B9D1: variants seen among roughly 807,000 people sequenced by gnomAD.
The protein encoded by B9D1 is B9 domain-containing protein 1.
Under a neutral mutation model 26.1 loss-of-function variants are expected in B9D1, and 20 were observed. The observed-to-expected ratio is 0.77, with a 90% CI of 0.54 to 1.12. B9D1 has a LOEUF of 1.12. Ranked by LOEUF, B9D1 falls within the 50% of genes most tolerant of loss-of-function variation. B9D1 has a pLI of 0.00. For missense variants in B9D1, 260 were observed against 273.7 expected, an observed-to-expected ratio of 0.95 and a Z score of 0.35; for synonymous variants, 105 against 103.1, an observed-to-expected ratio of 1.02 and a Z score of -0.11.
intron 2 of B9D1, among the ~76,000 whole-genome samples, chr17:19,358,679 T>C (rs1910663370): frequency 6.6e-6 from 1 of 152,238 alleles, no homozygotes; most frequent in African/African-American, 2.4e-5. Context: ...CAGTGGCTCT[T>C]GCTGGTTCCT....
At chr17:19,358,122 C>G (rs1360623876) in intron 2 of B9D1, among the ~76,000 whole-genome samples, 171 bp from the exon 3 acceptor site, 1 of 152,116 alleles carries the variant, frequency 6.6e-6, no homozygotes, top group Admixed American at 6.5e-5. Flanking sequence ...CTCTTTAAGT[C>G]TGGTACTTTA....
chr17:19,355,202 A>G (rs1384950776), intron 3 of B9D1, among the ~76,000 whole-genome samples: 1 of 152,100 alleles, frequency 6.6e-6, no homozygotes, highest in Non-Finnish European at 1.5e-5. Flanking sequence ...TTTGGTTATC[A>G]TATTTTTCAA....
rs559963174 is a variant in B9D1 at position 19,345,784 on chromosome 17, G to C, written c.404+1485C>G. ...GGAAACGAATACAGTGGCCAAGAGT[G>C]TTTGGGGCAGGCCCTAGGCCAGCGC... On this transcript the variant is annotated intron_variant, in intron 5 of 6. Transcript: ENST00000261499. 3.3e-5 allele frequency among the ~76,000 whole-genome samples: 5 copies of C among 152,336 alleles called. No individual in the cohort carries two copies. In the East Asian group the frequency reaches 9.6e-4, roughly 29 times the overall value.
chr17:19,337,609 C>T, downstream of B9D1: 1 of 1,054,030 alleles, frequency 9.5e-7, no homozygotes, highest in Admixed American at 2.0e-5. Flanking sequence ...GTGTGGGATG[C>T]TCTTGGTTAC....
intron 5 of B9D1, chr17:19,346,868 TGTC>T: frequency 7.3e-7 from 1 of 1,379,050 alleles, no homozygotes. Flanking sequence ...TCTGCGCAAA[TGTC>T]AGCTCCGGCC....
rs981355151 is a variant in B9D1, at chr17:19,343,205, C to T, written c.*114G>A. ...GAAAATGAGACTTTATTATACAAAACTATTCTGTGTGCCCCCAGCTCTGGC... is the reference window on the plus strand; with the variant it reads ...GAAAATGAGACTTTATTATACAAAATTATTCTGTGTGCCCCCAGCTCTGGC... On this transcript the variant is annotated 3_prime_UTR_variant, in exon 7 of 7. Transcript: ENST00000261499. 2 of 1,551,416 alleles carry T rather than the reference C, an allele frequency of 1.3e-6. No homozygotes were observed. Among genetic ancestry groups the T allele is most frequent in the African/African-American group, 1.4e-5 (1 of 72,970 alleles).
intron 1 of B9D1, among the ~76,000 whole-genome samples, chr17:19,373,245 A>G (rs554269981): frequency 5.3e-5 from 8 of 152,210 alleles, no homozygotes; most frequent in African/African-American, 1.7e-4. Flanking sequence ...AATAATTACC[A>G]TATCACAGAT....
At chr17:19,363,017 A>G (rs1027631851), upstream of B9D1, 4 of 230,524 alleles carry the variant, frequency 1.7e-5, no homozygotes, top group South Asian at 8.7e-5. Flanking sequence ...TTTAAAATAC[A>G]TTCAGCCACT....
At chr17:19,348,881 C>T (rs933663423) in intron 3 of B9D1, among the ~76,000 whole-genome samples, 5 of 152,204 alleles carry the variant, frequency 3.3e-5, no homozygotes, top group Non-Finnish European at 7.3e-5. Context: ...ATATAACATT[C>T]TGCGTGGGAA....
intron 5 of B9D1, chr17:19,344,566 T>C (rs1598049481): frequency 1.3e-5 from 3 of 236,784 alleles, no homozygotes; most frequent in South Asian, 7.2e-5. Flanking sequence ...GCCGGGTGGG[T>C]CCAGCAGCCG....
intron 3 of B9D1, among the ~76,000 whole-genome samples, chr17:19,355,555 C>T (rs1188441177): frequency 6.7e-6 from 1 of 148,284 alleles, no homozygotes. Flanking sequence ...ATCGGCTGGG[C>T]GTGGTGGCTC....
At chr17:19,338,791 C>CA (rs1459154466), downstream of B9D1, among the ~76,000 whole-genome samples, 1 of 152,226 alleles carries the variant, frequency 6.6e-6, no homozygotes, top group African/African-American at 2.4e-5. Context: ...TGTGAGTAAT[C>CA]ATCTTGGTCA....
At chr17:19,366,882 T>C (rs763054391), upstream of B9D1, among the ~76,000 whole-genome samples, 1 of 152,170 alleles carries the variant, frequency 6.6e-6, no homozygotes, top group Non-Finnish European at 1.5e-5. Flanking sequence ...ATGCCTGCGG[T>C]TCTAGGTGGG....
At chr17:19,337,300 C>T (rs1398737634), downstream of B9D1, among the ~76,000 whole-genome samples, 1 of 152,146 alleles carries the variant, frequency 6.6e-6, no homozygotes, top group African/African-American at 2.4e-5. Flanking sequence ...ACGAGGGCAG[C>T]GGCGGGAGGA....
chr17:19,354,658 T>C (rs772954549), intron 3 of B9D1, among the ~76,000 whole-genome samples: 1 of 151,954 alleles, frequency 6.6e-6, no homozygotes, highest in Non-Finnish European at 1.5e-5. Flanking sequence ...TGAAACCCCA[T>C]CTCTACTAAA....
In B9D1 at chr17:19,347,688, C is replaced by G. The variant is rs531545717; in HGVS notation, c.341+96G>C. The G allele has an allele frequency of 8.6e-6, 11 of 1,275,956 alleles. No homozygotes were observed. Among genetic ancestry groups the G allele is most frequent in the Non-Finnish European group, 1.2e-5 (11 of 896,820 alleles). 79.0% of individuals were successfully genotyped at this position (1,275,956 alleles called of 1,614,324 possible). On this transcript the variant is annotated intron_variant, in intron 4 of 6. Transcript: ENST00000261499. This position sits in a 1 kb window ranked among gnomAD's most constrained non-coding sequence, Gnocchi z 4.3. ...TGAGCTGCCCAGGCCCCTGGAGACC[C>G]CAGAGCATTCCCAGCCTGAACCTAA...
chr17:19,377,886 G>C (rs1912232176), exon 1 of B9D1: 1 of 985,412 alleles, frequency 1.0e-6, no homozygotes, highest in Non-Finnish European at 1.2e-6. Flanking sequence ...GCGAGCTGCA[G>C]TCCAACTTGG....
intron 1 of B9D1, chr17:19,371,610 G>A (rs902570913): frequency 3.9e-5 from 6 of 152,324 alleles, no homozygotes; most frequent in African/African-American, 1.4e-4. Context: ...TCCCCAACCT[G>A]TTCCATTGGT....
chr17:19,335,615 A>T, downstream of B9D1: 8 of 533,904 alleles, frequency 1.5e-5, no homozygotes, highest in Admixed American at 3.7e-5. Flanking sequence ...AGGCTAAGAC[A>T]GGGGTGGGGG....
Sources: gnomAD v4.1 joint callset for allele counts (sites outside exome capture counted in the v4.1 genomes callset) on GRCh38, gnomAD v4.1.1 for gene constraint, Gnocchi (gnomAD v3.1) non-coding constraint, MANE v1.5 for transcripts, NCBI Gene and HGNC (gene_info 2026-07-23, HGNC 2026-07-21) for gene names.